PIGO: variants seen among roughly 807,000 people sequenced by gnomAD.
PIGO encodes GPI ethanolamine phosphate transferase 3, catalytic subunit.
A neutral mutation model predicts 86.9 loss-of-function variants in PIGO; 66 were observed. That is an observed-to-expected ratio of 0.76 (90% CI 0.62 to 0.93). The LOEUF (loss-of-function observed/expected upper bound fraction) is 0.93. Ranked by LOEUF, PIGO falls within the 40% of genes least tolerant of loss-of-function variation. The probability of loss-of-function intolerance (pLI) is 0.00; values close to 1 mark genes in which losing one functional copy is unlikely to be tolerated. For missense variants in PIGO, 1,202 were observed against 1,359.1 expected, an observed-to-expected ratio of 0.88 and a Z score of 1.82; for synonymous variants, 570 against 556.4, an observed-to-expected ratio of 1.02 and a Z score of -0.34.
chr9:35,090,059 C>A lies in PIGO; in HGVS notation c.3069+7G>T. 1 of 1,611,774 alleles carries A rather than the reference C, an allele frequency of 6.2e-7. No individual in the cohort carries two copies. Among genetic ancestry groups the A allele is most frequent in the Non-Finnish European group, 8.5e-7 (1 of 1,178,080 alleles). On this transcript the variant is annotated splice_region_variant and intron_variant, in intron 9 of 10. Coordinates refer to ENST00000378617, the MANE Select transcript of PIGO (RefSeq NM_032634.4). ...CACCAACTCCCTGATCTCTCTCCTA[C>A]ACCCACCTGAATACCAAGGATAAAG...
In PIGO at chr9:35,092,077, G is replaced by A. The variant is rs368997214; in HGVS notation, c.1810C>T (p.Arg604Cys). The change falls in exon 7 of 11, where the codon CGC (arginine) becomes TGC (cysteine). Residue 604 changes from arginine to cysteine, a missense_variant. Arg to Cys is a radical substitution (Grantham distance 180). Transcript: ENST00000378617. ...LLPPKLLTMP[R>C]LGTSATTNPP... ...TTTGTTGTGGCTGAAGTGCCAAGGC[G>A]GGGCATTGTGAGTAGCTTAGGTGGA... 127 of 1,614,028 alleles carry A rather than the reference G, an allele frequency of 7.9e-5. 1 individual carries two copies. Among genetic ancestry groups the A allele is most frequent in the Non-Finnish European group, 1.0e-4 (122 of 1,180,000 alleles).
intron 5 of PIGO, 61 bp from the exon 6 acceptor site, chr9:35,093,270 G>A: frequency 6.3e-7 from 1 of 1,579,050 alleles, no homozygotes; most frequent in Non-Finnish European, 8.6e-7. Context: ...TGTTTGGGAT[G>A]GCAGACATAG....
In PIGO at chr9:35,090,143, G is replaced by A. The variant is rs776980889; in HGVS notation, c.2992C>T (p.Leu998Phe). Residue 998 changes from leucine to phenylalanine, a missense_variant, in exon 9 of 11, where the codon CTC becomes TTC. Transcript: ENST00000378617. ...EEEEPLMEMR[L>F]RDAPQHFYAA... is the part of the protein sequence containing the mutation. The stretch of plus-strand genomic sequence containing the variant: ...TAGAAGTGCTGAGGCGCATCCCGGA[G>A]CCGCATCTCCATCAGTGGCTCCTCT... 7 of 1,614,258 alleles carry A rather than the reference G, an allele frequency of 4.3e-6. No individual in the cohort carries two copies. Among genetic ancestry groups the A allele is most frequent in the Non-Finnish European group, 5.1e-6 (6 of 1,180,046 alleles).
rs1829503183 is a variant in PIGO at position 35,092,977 on chromosome 9, T to G, written c.1119+53A>C. 7 of 1,557,260 alleles carry G rather than the reference T, an allele frequency of 4.5e-6. No homozygotes were observed. The East Asian group carries it at 1.6e-4, about 35-fold the overall frequency. ...GGACAAAAGAGTGGTTCATTATGCT[T>G]CTTTCATGCCCACCCTAGCTCTGTC... On this transcript the variant is annotated intron_variant, in intron 6 of 10. Transcript: ENST00000378617.
chr9:35,092,247 C>T lies in PIGO; in HGVS notation c.1640G>A (p.Gly547Glu), dbSNP rs2131076372. 1.2e-6 allele frequency: 2 copies of T among 1,614,184 alleles called. No homozygotes were observed. The highest frequency in any genetic ancestry group is 4.5e-5 in the East Asian group (2 of 44,882). Residue 547 changes from glycine (G) to glutamate (E), a missense_variant, in exon 7 of 11, where the codon GGG (glycine) becomes GAG (glutamate). By Grantham distance (98) the Gly-to-Glu change is moderately conservative (BLOSUM62 -2). Transcript: ENST00000378617. ...AAACAGCAGGAGTAACAGGACGGGC[C>T]CAGGGATGGGAAACAGGGTTGCCAG... ...RPLATLFPIPGPVLLLLLFRL... is the reference protein window; with the variant it reads ...RPLATLFPIPEPVLLLLLFRL...
chr9:35,091,664 C>T lies in PIGO; in HGVS notation c.2223G>A (p.Met741Ile), dbSNP rs759356075. 3 of 1,613,126 alleles carry T rather than the reference C, an allele frequency of 1.9e-6. No individual in the cohort carries two copies. Among genetic ancestry groups the T allele is most frequent in the South Asian group, 2.2e-5 (2 of 91,084 alleles). The change falls in exon 7 of 11, where the codon ATG becomes ATA. Residue 741 changes from methionine (M) to isoleucine (I), a missense_variant. Physicochemically the swap from Met to Ile is conservative, Grantham distance 10 (BLOSUM62 1). Coordinates refer to ENST00000378617, the MANE Select transcript of PIGO (RefSeq NM_032634.4). ...GCCCTGCTACAGCCCGAGGCAGCAC[C>T]ATGGATGCCCCAGAGACCAGGACCC... Reference protein sequence around the residue: ...RLRVLVSGASMVLPRAVAGLA... With the variant: ...RLRVLVSGASIVLPRAVAGLA...
Position 35,092,652 on chromosome 9 carries a change from T to C in PIGO, c.1235A>G (p.Gln412Arg). ...KASADYQWLL[Q>R]SPKGAEATLP... ...TGTCGCCTCAGCCCCCTTGGGGCTC[T>C]GGAGAAGCCACTGGTAGTCAGCAGA... The change falls in exon 7 of 11, where the codon CAG (glutamine) becomes CGG (arginine). Residue 412 changes from glutamine to arginine, a missense_variant. Coordinates refer to ENST00000378617, the MANE Select transcript of PIGO (RefSeq NM_032634.4). 1 of 1,614,188 alleles carries C rather than the reference T, an allele frequency of 6.2e-7. No homozygotes were observed. Among genetic ancestry groups the C allele is most frequent in the South Asian group, 1.1e-5 (1 of 91,090 alleles).
rs762673020 is a variant in PIGO at position 35,091,589 on chromosome 9, C to T, written c.2298G>A (p.Leu766=). The T allele has an allele frequency of 1.2e-6, 2 of 1,613,974 alleles. No homozygotes were observed. The highest frequency in any genetic ancestry group is 1.1e-5 in the South Asian group (1 of 91,082). ...ALLLWKPVTV[L]VKAGAGAPRT... ...TTGGAGCGCCTGCCCCAGCCTTCACCAGCACTGTCACAGGCTTCCAGAGCA... is the reference window on the plus strand; with the variant it reads ...TTGGAGCGCCTGCCCCAGCCTTCACTAGCACTGTCACAGGCTTCCAGAGCA... The change falls in exon 7 of 11, where the codon CTG becomes CTA. Residue 766 remains leucine, a synonymous_variant. Coordinates refer to ENST00000378617, the MANE Select transcript of PIGO (RefSeq NM_032634.4).
At chr9:35,095,864 A>C in intron 1 of PIGO, 12 of 222,482 alleles carry the variant, frequency 5.4e-5, no homozygotes, top group Non-Finnish European at 8.2e-5. Flanking sequence ...AAATACAAAA[A>C]TGGGTGGCGG....
At position 35,090,141 on chromosome 9, in the gene PIGO, G is replaced by A; in HGVS notation, c.2994C>T (p.Leu998=). 1 of 1,614,226 alleles carries A rather than the reference G, an allele frequency of 6.2e-7. No homozygotes were observed. Among genetic ancestry groups the A allele is most frequent in the Non-Finnish European group, 8.5e-7 (1 of 1,180,028 alleles). The change falls in exon 9 of 11, where the codon CTC becomes CTT. Residue 998 remains leucine, a synonymous_variant. Transcript: ENST00000378617. ...EEEEPLMEMR[L]RDAPQHFYAA... ...CATAGAAGTGCTGAGGCGCATCCCG[G>A]AGCCGCATCTCCATCAGTGGCTCCT...
At chr9:35,095,892 T>C (rs1313815851) in intron 1 of PIGO, 1 of 202,200 alleles carries the variant, frequency 4.9e-6, no homozygotes, top group Non-Finnish European at 1.0e-5. Flanking sequence ...TAGTCTCAGC[T>C]ACTGGGGAGG....
chr9:35,095,472 G>A lies in PIGO; in HGVS notation c.94C>T (p.Arg32Cys), dbSNP rs1057180311. Reference sequence around the variant, plus strand: ...CTGCTATGGTTGGTGAGCTCCAAACGGGTGAGCAGGAAGCCACTGGTGAAG... The same window carrying A: ...CTGCTATGGTTGGTGAGCTCCAAACAGGTGAGCAGGAAGCCACTGGTGAAG... ...ALFTSGFLLT[R>C]LELTNHSSCQ... The change falls in exon 2 of 11, where the codon CGT becomes TGT. Residue 32 changes from arginine to cysteine, a missense_variant. Arg to Cys is a radical substitution (Grantham distance 180, BLOSUM62 -3). Transcript: ENST00000378617. 6.2e-6 allele frequency: 10 copies of A among 1,613,564 alleles called. No homozygotes were observed. The highest frequency in any genetic ancestry group is 1.7e-5 in the Admixed American group (1 of 59,962).
In PIGO at chr9:35,089,363, C is replaced by A. The variant is rs1022854367; in HGVS notation, c.3140+17G>T. ...CTCCCTCCCCACCACCTCTACTTCT[C>A]AAGCAAATCTACTCACTTAGGGGCA... On this transcript the variant is annotated intron_variant, in intron 10 of 10. Transcript: ENST00000378617. 2 of 1,614,082 alleles carry A rather than the reference C, an allele frequency of 1.2e-6. No individual in the cohort carries two copies. Among genetic ancestry groups the A allele is most frequent in the Non-Finnish European group, 1.7e-6 (2 of 1,180,042 alleles).
In PIGO at chr9:35,092,310, A is replaced by T; in HGVS notation, c.1577T>A (p.Leu526Gln). The T allele has an allele frequency of 6.2e-7, 1 of 1,614,200 alleles. No individual in the cohort carries two copies. Among genetic ancestry groups the T allele is most frequent in the African/African-American group, 1.3e-5 (1 of 75,066 alleles). Residue 526 changes from leucine (L) to glutamine (Q), a missense_variant, in exon 7 of 11, where the codon CTG becomes CAG. Transcript: ENST00000378617. ...CCCCCAGCCAGCCCAGGCTTTCCACAGAAAAGGGAGGAATGAGCTCACTGC... is the reference window on the plus strand; with the variant it reads ...CCCCCAGCCAGCCCAGGCTTTCCACTGAAAAGGGAGGAATGAGCTCACTGC... ...VAAVSSFLPF[L>Q]WKAWAGWGSK...
rs1487288215 is a variant in PIGO at position 35,093,532 on chromosome 9, C to A, written c.828G>T (p.Gly276=). The A allele has an allele frequency of 6.2e-7, 1 of 1,614,034 alleles. No homozygotes were observed. The highest frequency in any genetic ancestry group is 2.2e-5 in the East Asian group (1 of 44,882). ...LENDTLLVVA[G]DHGMTTNGDH... ...CTCCATTTGTGGTCATCCCATGGTC[C>A]CCAGCCACTACCAGCAGTGTGTCAT... The change falls in exon 5 of 11, where the codon GGG becomes GGT. Residue 276 remains glycine, a synonymous_variant. Coordinates refer to ENST00000378617, the MANE Select transcript of PIGO (RefSeq NM_032634.4).
At chr9:35,090,750 C>T (rs1829381728) in intron 7 of PIGO, 78 bp from the exon 8 acceptor site, 1 of 1,356,408 alleles carries the variant, frequency 7.4e-7, no homozygotes, top group Non-Finnish European at 1.0e-6. Flanking sequence ...ATCATATACT[C>T]CTACTACTTC....
At position 35,090,290 on chromosome 9, in the gene PIGO, G is replaced by C; in HGVS notation, c.2855-10C>G. 6.2e-7 allele frequency: 1 copy of C among 1,612,014 alleles called. No homozygotes were observed. Among genetic ancestry groups the C allele is most frequent in the Non-Finnish European group, 8.5e-7 (1 of 1,178,550 alleles). On this transcript the variant is annotated splice_polypyrimidine_tract_variant and intron_variant, in intron 8 of 10. Coordinates refer to ENST00000378617, the MANE Select transcript of PIGO (RefSeq NM_032634.4). ...AGCAGTGGGCAACCTACTGCCTCAA[G>C]AGAGGGTATGGCTGGAATCAACAGG...
rs1829556350 is a variant in PIGO, at chr9:35,094,007, C to G, written c.673G>C (p.Asp225His). The G allele has an allele frequency of 6.2e-7, 1 of 1,614,096 alleles. No homozygotes were observed. The highest frequency in any genetic ancestry group is 8.5e-7 in the Non-Finnish European group (1 of 1,180,004). Residue 225 changes from aspartate (D) to histidine (H), a missense_variant, in exon 4 of 11, where the codon GAC becomes CAC. Coordinates refer to ENST00000378617, the MANE Select transcript of PIGO (RefSeq NM_032634.4). ...LYPTMDSGEW[D>H]VLIAHFLGVD... ...CCCAGGAAGTGAGCAATCAGCACGT[C>G]CCATTCACCACTGTCCACTGTGAAG... is the stretch of plus-strand genomic sequence containing the variant.
rs1829325685 is a variant in PIGO, at chr9:35,089,660, A to G, written c.3070-210T>C. 3.5e-6 allele frequency: 5 copies of G among 1,433,484 alleles called. No individual in the cohort carries two copies. The South Asian group carries it at 7.5e-5, about 22-fold the overall frequency. The allele number at this position is 1,433,484 out of a possible 1,614,324, so 88.8% of individuals were successfully genotyped here. ...CTCACTATGTGACTTTGGGCAAGTC[A>G]GTATCCATCTGCAATGCTAACACTC... On this transcript the variant is annotated intron_variant, in intron 9 of 10. Coordinates refer to ENST00000378617, the MANE Select transcript of PIGO (RefSeq NM_032634.4).
Sources: allele counts gnomAD v4.1 joint callset, GRCh38; gene constraint gnomAD v4.1.1; transcripts MANE v1.5; gene names NCBI Gene and HGNC (gene_info 2026-07-23, HGNC 2026-07-21).